Variants in STXBP5L observed in about 807,000 individuals in gnomAD.
STXBP5L encodes syntaxin-binding protein 5-like.
In STXBP5L, 65 loss-of-function variants were observed where a neutral mutation model predicts 144.5. The ratio of observed to expected loss-of-function variants is 0.45; its 90% confidence interval spans 0.37 to 0.55. The LOEUF (loss-of-function observed/expected upper bound fraction) is 0.55. STXBP5L is among the 20% of genes least tolerant of loss of function. STXBP5L has a pLI of 0.00. For missense variants in STXBP5L, 1,298 were observed against 1,405.5 expected (o/e 0.92, Z 1.22); for synonymous variants, 505 against 469.6 (o/e 1.08, Z -0.97).
At chr3:120,936,439 T>C (rs1338177379) in intron 2 of STXBP5L, among the ~76,000 whole-genome samples, 1 of 152,160 alleles carries the variant, frequency 6.6e-6, no homozygotes, top group Non-Finnish European at 1.5e-5. Context: ...CTGAGATACA[T>C]AGGCTTTTAG....
chr3:121,181,992 G>A (rs1577136222), intron 9 of STXBP5L, among the ~76,000 whole-genome samples: 1 of 150,930 alleles, frequency 6.6e-6, no homozygotes, highest in Non-Finnish European at 1.5e-5. Context: ...AAATATATAT[G>A]TACCTAACAC....
intron 22 of STXBP5L, among the ~76,000 whole-genome samples, chr3:121,392,770 CATATATATATATATATATATATAT>C (rs71133531): frequency 1.5e-4 from 17 of 112,374 alleles, no homozygotes; most frequent in South Asian, 3.0e-4. Context: ...TATTTCATGG[CATATATATATATATATATATATAT>C]ATATATATAT....
At chr3:121,065,106 G>A (rs1223643114) in intron 5 of STXBP5L, among the ~76,000 whole-genome samples, 1 of 151,756 alleles carries the variant, frequency 6.6e-6, no homozygotes, top group Non-Finnish European at 1.5e-5. Context: ...ATTCTATGGT[G>A]TATATGTACC....
intron 18 of STXBP5L, among the ~76,000 whole-genome samples, chr3:121,264,123 C>T (rs764491675): frequency 6.6e-6 from 1 of 152,174 alleles, no homozygotes; most frequent in African/African-American, 2.4e-5. Context: ...TCTGCAGAAA[C>T]CTTACAAGCC....
intron 2 of STXBP5L, among the ~76,000 whole-genome samples, chr3:120,914,240 C>CA (rs1291617725): frequency 6.6e-6 from 1 of 151,538 alleles, no homozygotes; most frequent in Non-Finnish European, 1.5e-5. Flanking sequence ...AGTATATTAC[C>CA]AAAAAAAGAG....
chr3:121,385,876 T>A (rs1189859646), intron 22 of STXBP5L, among the ~76,000 whole-genome samples: 1 of 152,150 alleles, frequency 6.6e-6, no homozygotes, highest in East Asian at 1.9e-4. Flanking sequence ...AATATGAAAA[T>A]AGGTTAATGT....
intron 5 of STXBP5L, among the ~76,000 whole-genome samples, chr3:121,090,166 T>C (rs2042706963): frequency 6.6e-6 from 1 of 152,102 alleles, no homozygotes; most frequent in African/African-American, 2.4e-5. Flanking sequence ...TGTTATGAGG[T>C]TTCAGTTTTT....
intron 3 of STXBP5L, among the ~76,000 whole-genome samples, chr3:120,963,895 C>T (rs776601717): frequency 7.9e-5 from 12 of 152,284 alleles, no homozygotes; most frequent in Non-Finnish European, 1.8e-4. Context: ...TTGAATCCGT[C>T]TGGTCCTGGA....
chr3:121,014,969 A>G (rs538286098), intron 3 of STXBP5L, among the ~76,000 whole-genome samples: 69 of 152,230 alleles, frequency 4.5e-4, no homozygotes, highest in African/African-American at 1.6e-3. Context: ...GATATTCAAG[A>G]CCTCTATACT....
At chr3:121,008,931 A>ATTT (rs35274717) in intron 3 of STXBP5L, among the ~76,000 whole-genome samples, 121 of 149,356 alleles carry the variant, frequency 8.1e-4, no homozygotes, top group Non-Finnish European at 1.0e-3. Context: ...AATATAATCA[A>ATTT]TTTTTTTTTT....
intron 4 of STXBP5L, 56 bp downstream of exon 4, chr3:121,041,837 C>G: frequency 7.1e-6 from 8 of 1,129,880 alleles, no homozygotes; most frequent in Middle Eastern, 1.9e-4. Flanking sequence ...CACAGTGAAT[C>G]AGTTAATGTA....
chr3:121,188,460 C>T (rs1238978161), intron 9 of STXBP5L, among the ~76,000 whole-genome samples: 1 of 149,162 alleles, frequency 6.7e-6, no homozygotes, highest in East Asian at 2.0e-4. Context: ...GAAATGAAGG[C>T]AAAGCCTTCA....
chr3:121,148,135 T>C (rs1206617126), intron 7 of STXBP5L, among the ~76,000 whole-genome samples: 1 of 152,072 alleles, frequency 6.6e-6, no homozygotes. Context: ...TTGGTTCTAA[T>C]TTTTCGGAGA....
At chr3:121,021,364 C>T (rs1458726232) in intron 3 of STXBP5L, among the ~76,000 whole-genome samples, 3 of 152,004 alleles carry the variant, frequency 2.0e-5, no homozygotes, top group Non-Finnish European at 4.4e-5. Context: ...GTCATCAAGT[C>T]GGAAAGTGAA....
chr3:121,178,940 A>T (rs554737561), intron 9 of STXBP5L, among the ~76,000 whole-genome samples: 1 of 152,252 alleles, frequency 6.6e-6, no homozygotes, highest in East Asian at 1.9e-4. Context: ...TAGTGGGAAT[A>T]AACCCCCTTT....
At chr3:121,204,547 T>C (rs2048262135) in intron 9 of STXBP5L, among the ~76,000 whole-genome samples, 2 of 152,206 alleles carry the variant, frequency 1.3e-5, no homozygotes, top group South Asian at 4.1e-4. Flanking sequence ...GATATGCTTA[T>C]GTTATTCTGA....
At chr3:121,279,662 C>T (rs749922549) in intron 18 of STXBP5L, 143 bp from the exon 19 acceptor site, 14 of 824,110 alleles carry the variant, frequency 1.7e-5, no homozygotes, top group East Asian at 5.4e-5. Flanking sequence ...AAAGGCAAGG[C>T]ATCCTTCTTG....
Position 121,205,989 on chromosome 3 carries a change from C to A in STXBP5L, c.944C>A (p.Thr315Asn). Residue 315 changes from threonine to asparagine, a missense_variant, in exon 10 of 27, where the codon ACC (threonine) becomes AAC (asparagine). Thr to Asn is a moderately conservative substitution (Grantham distance 65, BLOSUM62 0). Transcript: ENST00000471454. The part of the protein sequence containing the change: ...CKPILKVEYK[T>N]CKNSEPFIIF... Reference sequence around the variant, plus strand: ...CCAATTCTTAAAGTAGAATACAAGACCTGCAAAAACAGGTATGCATTTTTA... The same window carrying A: ...CCAATTCTTAAAGTAGAATACAAGAACTGCAAAAACAGGTATGCATTTTTA... 1 of 1,501,036 alleles carries A rather than the reference C, an allele frequency of 6.7e-7. No individual in the cohort carries two copies. Among genetic ancestry groups the A allele is most frequent in the South Asian group, 1.4e-5 (1 of 69,144 alleles). The allele number at this position is 1,501,036 out of a possible 1,614,324, so 93.0% of individuals were successfully genotyped here.
At chr3:121,168,925 AG>A (rs1225040136) in intron 9 of STXBP5L, among the ~76,000 whole-genome samples, 2 of 152,208 alleles carry the variant, frequency 1.3e-5, no homozygotes, top group African/African-American at 4.8e-5. Context: ...AAAAACATTA[AG>A]GGCAGCCAGG....
Sources: gnomAD v4.1 joint callset for allele counts (sites outside exome capture counted in the v4.1 genomes callset) on GRCh38, gnomAD v4.1.1 for gene constraint, MANE v1.5 for transcripts, NCBI Gene and HGNC (gene_info 2026-07-23, HGNC 2026-07-21) for gene names.